The following GUCA1A variants were observed in gnomAD, a reference collection of about 807,000 sequenced individuals.
GUCA1A encodes guanylate cyclase activator 1A, also known as guanylyl cyclase-activating protein 1.
Under a neutral mutation model 18.5 loss-of-function variants are expected in GUCA1A, and 14 were observed. The ratio of observed to expected loss-of-function variants is 0.76; its 90% CI spans 0.50 to 1.18. GUCA1A has a LOEUF of 1.18. Ranked by LOEUF, GUCA1A falls within the 50% of genes most tolerant of loss-of-function variation. The pLI is 0.00. For synonymous variants in GUCA1A, 97 were observed against 100.2 expected, an observed-to-expected ratio of 0.97 and a Z score of 0.19; for missense variants, 264 against 262.4, an observed-to-expected ratio of 1.01 and a Z score of -0.04.
rs12333296 is a variant in GUCA1A at position 42,179,053 on chromosome 6, A to G, written c.445+158A>G. On this transcript the variant is annotated intron_variant, in intron 3 of 3. Transcript: ENST00000372958. ...TCCACCTGCCTCTGCCCCAGCCACA[A>G]AGTTGGCTTTTAGGGGCCCCTGGAC... 0.053 allele frequency among the ~76,000 whole-genome samples: 8,094 copies of G among 151,976 alleles called. 735 individuals carry two copies. Among genetic ancestry groups the G allele is most frequent in the African/African-American group, 0.19 (7,674 of 41,314 alleles).
intron 2 of GUCA1A, 73 bp from the exon 3 acceptor site, chr6:42,178,729 A>G: frequency 8.3e-7 from 1 of 1,204,930 alleles, no homozygotes; most frequent in Non-Finnish European, 1.2e-6. Context: ...ACAAGCTCTG[A>G]CCGTCCCCAA....
chr6:42,180,022 G>A lies in GUCA1A; in HGVS notation c.*619G>A, dbSNP rs1440034462. Reference sequence around the variant, plus strand: ...TCATAGGCTAATGGTGAGACACACAGACAAACATCATTATAATAAAATATG... The same window carrying A: ...TCATAGGCTAATGGTGAGACACACAAACAAACATCATTATAATAAAATATG... On this transcript the variant is annotated 3_prime_UTR_variant, in exon 4 of 4. Transcript: ENST00000372958. 3 of 152,200 alleles carry A rather than the reference G, an allele frequency of 2.0e-5. No individual in the cohort carries two copies. Among genetic ancestry groups the A allele is most frequent in the East Asian group, 1.9e-4 (1 of 5,194 alleles). 9.4% of individuals were successfully genotyped at this position (152,200 alleles called of 1,614,324 possible).
chr6:42,178,494 G>A (rs575107482), intron 2 of GUCA1A, 65 bp downstream of exon 2: 3 of 1,403,048 alleles, frequency 2.1e-6, no homozygotes, highest in Admixed American at 3.3e-5. Context: ...TGAGAGCCCA[G>A]GGTTAGAACA....
At chr6:42,174,959 T>C (rs989161462) in intron 1 of GUCA1A, among the ~76,000 whole-genome samples, 3 of 152,204 alleles carry the variant, frequency 2.0e-5, no homozygotes, top group African/African-American at 4.8e-5. Context: ...AACTCACTAA[T>C]ATTTAAGGAT....
chr6:42,173,426 T>C lies in GUCA1A; in HGVS notation c.-188T>C. On this transcript the variant is annotated 5_prime_UTR_variant, in exon 1 of 4. Coordinates refer to ENST00000372958, the MANE Select transcript of GUCA1A (RefSeq NM_001384910.1). ...AGTTTGAGTGTGGGCCATCATCTTCTTCCTTCTGCTCTCTCCCTCTCCACA... is the reference window on the plus strand; with the variant it reads ...AGTTTGAGTGTGGGCCATCATCTTCCTCCTTCTGCTCTCTCCCTCTCCACA... The C allele has an allele frequency of 1.6e-6, 1 of 635,958 alleles. No homozygotes were observed. Among genetic ancestry groups the C allele is most frequent in the South Asian group, 1.8e-5 (1 of 55,456 alleles). 39.4% of individuals were successfully genotyped at this position (635,958 alleles called of 1,614,324 possible).
intron 1 of GUCA1A, among the ~76,000 whole-genome samples, chr6:42,176,803 A>G (rs928137589): frequency 2.6e-5 from 4 of 152,190 alleles, no homozygotes; most frequent in Non-Finnish European, 5.9e-5. Context: ...GTTTTTGTAA[A>G]TGAAGTTTTA....
At chr6:42,175,640 C>T (rs1215772684) in intron 1 of GUCA1A, among the ~76,000 whole-genome samples, 2 of 152,166 alleles carry the variant, frequency 1.3e-5, no homozygotes, top group South Asian at 2.1e-4. Flanking sequence ...GCTGGGATTA[C>T]AGGCGTGAGC....
chr6:42,175,262 A>C (rs1286041200), intron 1 of GUCA1A, among the ~76,000 whole-genome samples: 1 of 151,642 alleles, frequency 6.6e-6, no homozygotes, highest in East Asian at 2.0e-4. Flanking sequence ...ACATGTCTGC[A>C]GAAGGACCCT....
chr6:42,173,998 A>G (rs1352530166), intron 1 of GUCA1A, among the ~76,000 whole-genome samples, 184 bp downstream of exon 1: 3 of 152,196 alleles, frequency 2.0e-5, no homozygotes, highest in Non-Finnish European at 4.4e-5. Context: ...AACGGATCTA[A>G]TGTTTGTGCT....
rs1375888913 is a variant in GUCA1A, at chr6:42,173,720, T to C, written c.107T>C (p.Leu36Pro). The C allele has an allele frequency of 1.2e-6, 2 of 1,613,666 alleles. No homozygotes were observed. Among genetic ancestry groups the C allele is most frequent in the Non-Finnish European group, 1.7e-6 (2 of 1,179,526 alleles). The change falls in exon 1 of 4, where the codon CTC (leucine) becomes CCC (proline). Residue 36 changes from leucine (L) to proline (P), a missense_variant. By Grantham distance (98) the Leu-to-Pro change is moderately conservative. Coordinates refer to ENST00000372958, the MANE Select transcript of GUCA1A (RefSeq NM_001384910.1). ...MTECPSGQLT[L>P]YEFRQFFGLK... The stretch of plus-strand genomic sequence containing the variant: ...GAGTGCCCCTCTGGCCAACTCACCC[T>C]CTATGAGTTCCGCCAGTTCTTCGGC...
Position 42,178,796 on chromosome 6 carries a change from T to C in GUCA1A, c.352-6T>C. On this transcript the variant is annotated splice_polypyrimidine_tract_variant and splice_region_variant and intron_variant, in intron 2 of 3. Transcript: ENST00000372958. ...CCTCTCACTTCTGCCCCTTCTTCCCTCCCAGGCCATTCGCGCCATTAACCC... is the reference window on the plus strand; with the variant it reads ...CCTCTCACTTCTGCCCCTTCTTCCCCCCCAGGCCATTCGCGCCATTAACCC... 1 of 1,607,752 alleles carries C rather than the reference T, an allele frequency of 6.2e-7. No individual in the cohort carries two copies. The highest frequency in any genetic ancestry group is 8.5e-7 in the Non-Finnish European group (1 of 1,174,360).
chr6:42,179,149 C>T lies in GUCA1A; in HGVS notation c.446-94C>T. On this transcript the variant is annotated intron_variant, in intron 3 of 3. Coordinates refer to ENST00000372958, the MANE Select transcript of GUCA1A (RefSeq NM_001384910.1). ...GGGCTCTGACTTCTCCTCACGTGGGCTCTGTCCCTGCCCCTGGCAAGAACC... is the reference window on the plus strand; with the variant it reads ...GGGCTCTGACTTCTCCTCACGTGGGTTCTGTCCCTGCCCCTGGCAAGAACC... 5.1e-6 allele frequency: 6 copies of T among 1,178,914 alleles called. No individual in the cohort carries two copies. In the South Asian group the frequency reaches 6.1e-5, roughly 12 times the overall value. 73.0% of individuals were successfully genotyped at this position (1,178,914 alleles called of 1,614,324 possible). A position where few individuals can be genotyped will look rare whatever the true frequency, so the allele number is the denominator to read the frequency against.
Position 42,173,832 on chromosome 6 carries a change from G to T in GUCA1A, c.201+18G>T. ...TCAACAAGGTGAGCAGGGGCCCAGT[G>T]GCAGGGAGGGGAAGTGCTGGAGGGA... On this transcript the variant is annotated intron_variant, in intron 1 of 3. Coordinates refer to ENST00000372958, the MANE Select transcript of GUCA1A (RefSeq NM_001384910.1). 1 of 1,590,946 alleles carries T rather than the reference G, an allele frequency of 6.3e-7. No individual in the cohort carries two copies. Among genetic ancestry groups the T allele is most frequent in the Non-Finnish European group, 8.6e-7 (1 of 1,159,004 alleles).
intron 1 of GUCA1A, among the ~76,000 whole-genome samples, chr6:42,175,565 A>C (rs1261061518): frequency 6.6e-6 from 1 of 151,802 alleles, no homozygotes. Flanking sequence ...GGGTTTCACT[A>C]TGTTGGCCAG....
chr6:42,176,294 T>A (rs1296319283), intron 1 of GUCA1A, among the ~76,000 whole-genome samples: 1 of 152,260 alleles, frequency 6.6e-6, no homozygotes, highest in Admixed American at 6.5e-5. Flanking sequence ...CTGCCTCATC[T>A]ACACCCATGG....
chr6:42,178,634 CG>C, intron 2 of GUCA1A, 167 bp from the exon 3 acceptor site: 3 of 814,400 alleles, frequency 3.7e-6, no homozygotes, highest in Non-Finnish European at 6.5e-6. Flanking sequence ...TACCAAAAGA[CG>C]ATAGAAGTTT....
chr6:42,179,254 C>T lies in GUCA1A; in HGVS notation c.457C>T (p.Leu153=), dbSNP rs779479626. 1 of 1,613,644 alleles carries T rather than the reference C, an allele frequency of 6.2e-7. No individual in the cohort carries two copies. Among genetic ancestry groups the T allele is most frequent in the Non-Finnish European group, 8.5e-7 (1 of 1,179,592 alleles). The change falls in exon 4 of 4, where the codon CTG becomes TTG. Residue 153 remains leucine (L), a synonymous_variant. Coordinates refer to ENST00000372958, the MANE Select transcript of GUCA1A (RefSeq NM_001384910.1). The stretch of plus-strand genomic sequence containing the variant: ...TCTCTCTACCCCAGGGGAACTCTCC[C>T]TGGAAGAGTTTATAGAGGGCGTCCA... ...IDVNGDGELS[L]EEFIEGVQKD...
In GUCA1A at chr6:42,176,773, A is replaced by G. The variant is rs570280979; in HGVS notation, c.202-1507A>G. On this transcript the variant is annotated intron_variant, in intron 1 of 3. Coordinates refer to ENST00000372958, the MANE Select transcript of GUCA1A (RefSeq NM_001384910.1). ...AGAGAGGAGTTAAACAGGGACAGGCAAATGACAGCACACAGGCCTGTTTTT... is the reference window on the plus strand; with the variant it reads ...AGAGAGGAGTTAAACAGGGACAGGCGAATGACAGCACACAGGCCTGTTTTT... 3.8e-4 allele frequency among the ~76,000 whole-genome samples: 58 copies of G among 152,316 alleles called. No homozygotes were observed. The East Asian group carries it at 0.011, about 28-fold the overall frequency.
intron 1 of GUCA1A, among the ~76,000 whole-genome samples, chr6:42,176,743 G>A (rs1196352443): frequency 6.6e-6 from 1 of 152,148 alleles, no homozygotes; most frequent in African/African-American, 2.4e-5. Flanking sequence ...CAGAAGTTTT[G>A]ATACAGAGAG....
Sources: allele counts gnomAD v4.1 joint callset (sites outside exome capture counted in the v4.1 genomes callset), GRCh38; gene constraint gnomAD v4.1.1; transcripts MANE v1.5; gene names NCBI Gene and HGNC (gene_info 2026-07-23, HGNC 2026-07-21).